Variants in THADA observed in about 807,000 individuals in gnomAD.
THADA encodes the protein THADA armadillo repeat containing.
In THADA, 213 loss-of-function variants were observed where a neutral mutation model predicts 219.8. The ratio of observed to expected loss-of-function variants is 0.97; its 90% CI spans 0.87 to 1.09. The LOEUF (loss-of-function observed/expected upper bound fraction) is 1.09. THADA is among the 50% of genes least tolerant of loss of function. The probability of loss-of-function intolerance (pLI) is 0.00; values close to 1 mark genes in which losing one functional copy is unlikely to be tolerated. For synonymous variants in THADA, 1,018 were observed against 828.9 expected, an observed-to-expected ratio of 1.23 and a Z score of -3.92; for missense variants, 2,956 against 2,311.3, an observed-to-expected ratio of 1.28 and a Z score of -5.72.
intron 36 of THADA, among the ~76,000 whole-genome samples, chr2:43,234,239 A>G (rs1018204968): frequency 1.3e-5 from 2 of 152,256 alleles, no homozygotes; most frequent in African/African-American, 4.8e-5. Context: ...TTGGAGACCC[A>G]GCATCAACAA....
chr2:43,523,030 G>A (rs1403968909), intron 22 of THADA, among the ~76,000 whole-genome samples: 1 of 152,024 alleles, frequency 6.6e-6, no homozygotes, highest in Non-Finnish European at 1.5e-5. Context: ...CACTCAGTGA[G>A]AAATAGTGTC....
chr2:43,375,582 A>G (rs756459243), intron 29 of THADA, among the ~76,000 whole-genome samples: 2 of 152,214 alleles, frequency 1.3e-5, no homozygotes, highest in African/African-American at 4.8e-5. Flanking sequence ...CCAAAAGAGT[A>G]GCGTTAAAGT....
chr2:43,521,399 C>G (rs961252667), intron 22 of THADA, among the ~76,000 whole-genome samples: 3 of 151,994 alleles, frequency 2.0e-5, no homozygotes, highest in African/African-American at 7.2e-5. Context: ...TATAAAAATA[C>G]AAAAAAATTA....
intron 1 of THADA, 114 bp from the exon 2 acceptor site, chr2:43,592,530 T>C (rs1285402590): frequency 3.4e-6 from 2 of 588,418 alleles, no homozygotes; most frequent in Non-Finnish European, 5.8e-6. Context: ...TTATGTTTCA[T>C]GCATCCCCAT....
At chr2:43,398,831 G>C (rs960974843) in intron 28 of THADA, among the ~76,000 whole-genome samples, 4 of 152,202 alleles carry the variant, frequency 2.6e-5, no homozygotes, top group African/African-American at 7.2e-5. Flanking sequence ...GGAGTGCTAC[G>C]AATAGCATAG....
At position 43,294,538 on chromosome 2, in the gene THADA, AAG is replaced by A. The variant is rs553200437; in HGVS notation, c.4439-1327_4439-1326del. On this transcript the variant is annotated intron_variant, in intron 31 of 37. Transcript: ENST00000405975. ...GAAAGGGCAGGAGATGAGGCTAGGG[AAG>A]AAATGTGGCTAGAGTACAGAAAGCC... Among the ~76,000 whole-genome samples, 7 of 152,330 alleles carry A rather than the reference AAG, an allele frequency of 4.6e-5. No individual in the cohort carries two copies. In the South Asian group the frequency reaches 1.4e-3, roughly 32 times the overall value.
At chr2:43,349,463 T>C (rs569280906) in intron 29 of THADA, among the ~76,000 whole-genome samples, 1 of 152,300 alleles carries the variant, frequency 6.6e-6, no homozygotes, top group South Asian at 2.1e-4. Flanking sequence ...ACTGCACCAG[T>C]AAAATATGTC....
intron 31 of THADA, among the ~76,000 whole-genome samples, chr2:43,303,941 A>T (rs1436467280): frequency 2.6e-5 from 4 of 152,184 alleles, no homozygotes; most frequent in Non-Finnish European, 2.9e-5. Context: ...GGTAATGCTG[A>T]TGCTGCTGGG....
intron 30 of THADA, among the ~76,000 whole-genome samples, chr2:43,328,244 C>T (rs1679556118): frequency 6.6e-6 from 1 of 152,188 alleles, no homozygotes. Flanking sequence ...GTCATTTCCC[C>T]CACTGTAACA....
chr2:43,525,487 A>G (rs1574082003), intron 22 of THADA, among the ~76,000 whole-genome samples: 1 of 152,220 alleles, frequency 6.6e-6, no homozygotes, highest in Admixed American at 6.5e-5. Flanking sequence ...CTCTTGGAAT[A>G]CTCTCTCTGG....
intron 30 of THADA, among the ~76,000 whole-genome samples, chr2:43,332,959 G>A (rs115205592): frequency 9.8e-5 from 15 of 152,292 alleles, no homozygotes; most frequent in East Asian, 3.9e-4. Flanking sequence ...GATCTTGGAC[G>A]ACTTGCTCAA....
intron 36 of THADA, among the ~76,000 whole-genome samples, chr2:43,252,220 A>G (rs921553586): frequency 1.3e-5 from 2 of 152,158 alleles, no homozygotes; most frequent in Non-Finnish European, 2.9e-5. Flanking sequence ...AACCTCTTCA[A>G]TTCAAATACT....
At chr2:43,330,781 T>C (rs1207760347) in intron 30 of THADA, among the ~76,000 whole-genome samples, 1 of 152,220 alleles carries the variant, frequency 6.6e-6, no homozygotes, top group Non-Finnish European at 1.5e-5. Flanking sequence ...GAGAGGGCCC[T>C]TGGCAGCCCA....
intron 26 of THADA, among the ~76,000 whole-genome samples, chr2:43,436,136 A>C (rs1680072634): frequency 6.6e-6 from 1 of 152,206 alleles, no homozygotes; most frequent in African/African-American, 2.4e-5. Flanking sequence ...AATTTATAAA[A>C]ATGCCTTGTT....
chr2:43,557,152 C>G (rs1450026714), intron 16 of THADA, among the ~76,000 whole-genome samples: 1 of 152,150 alleles, frequency 6.6e-6, no homozygotes, highest in Non-Finnish European at 1.5e-5. Flanking sequence ...TCAATATAAA[C>G]ATTAGTTTCC....
At chr2:43,305,502 G>A (rs1038995596) in intron 31 of THADA, among the ~76,000 whole-genome samples, 1 of 152,140 alleles carries the variant, frequency 6.6e-6, no homozygotes, top group African/African-American at 2.4e-5. Flanking sequence ...CACACCCCTT[G>A]GAAAACATTC....
At chr2:43,542,110 G>C (rs1338302406) in intron 20 of THADA, among the ~76,000 whole-genome samples, 1 of 151,850 alleles carries the variant, frequency 6.6e-6, no homozygotes, top group Non-Finnish European at 1.5e-5. Flanking sequence ...GAGTATTTTT[G>C]GTACTGATAT....
chr2:43,533,627 A>C (rs948772651), intron 21 of THADA, among the ~76,000 whole-genome samples: 2 of 152,202 alleles, frequency 1.3e-5, no homozygotes, highest in Non-Finnish European at 2.9e-5. Flanking sequence ...ATCCTCAGCA[A>C]ACTAACACAG....
intron 21 of THADA, among the ~76,000 whole-genome samples, chr2:43,531,285 G>A (rs1193800658): frequency 6.6e-6 from 1 of 152,192 alleles, no homozygotes; most frequent in Non-Finnish European, 1.5e-5. Flanking sequence ...ATGAAAGAGG[G>A]TAATTAACAT....
Sources: allele counts gnomAD v4.1 joint callset (sites outside exome capture counted in the v4.1 genomes callset), GRCh38; gene constraint gnomAD v4.1.1; transcripts MANE v1.5; gene names NCBI Gene and HGNC (gene_info 2026-07-23, HGNC 2026-07-21).